PLXNB2: variants seen among roughly 807,000 people sequenced by gnomAD.
The protein encoded by PLXNB2 is plexin B2.
PLXNB2 carries 85 observed loss-of-function variants against 202.6 expected under a neutral mutation model. The ratio of observed to expected loss-of-function variants is 0.42; its 90% CI spans 0.35 to 0.50. The LOEUF is 0.50. PLXNB2 is among the 20% of genes least tolerant of loss of function. PLXNB2 has a pLI of 0.02. For synonymous variants in PLXNB2, 1,239 were observed against 1,137.6 expected (o/e 1.09, Z -1.79); for missense variants, 2,063 against 2,586.2 (o/e 0.80, Z 4.39).
rs777518692 is a variant in PLXNB2 at position 50,278,686 on chromosome 22, C to T, written c.4557G>A (p.Pro1519=). 1.2e-5 allele frequency: 20 copies of T among 1,610,990 alleles called. No homozygotes were observed. The highest frequency in any genetic ancestry group is 2.2e-5 in the South Asian group (2 of 90,788). ...RPDSVVLEWR[P]GSTAQILSDL... ...CCGACAGGATCTGCGCTGTGGAGCC[C>T]GGACGCCACTCTGTGGGAAGAGACA... The change falls in exon 29 of 37, where the codon CCG becomes CCA. Residue 1519 remains proline, a synonymous_variant. Transcript: ENST00000359337.
rs1192425761 is a variant in PLXNB2, at chr22:50,281,487, A to C, written c.3535T>G (p.Ser1179Ala). ...ACGCGGCCCAGCACCCACTCGCGAGAGCCGAACTTCACCTGTGTGGGGGGC... is the reference window on the plus strand; with the variant it reads ...ACGCGGCCCAGCACCCACTCGCGAGCGCCGAACTTCACCTGTGTGGGGGGC... ...NLPEFIVKFGSREWVLGRVEY... is the reference protein window; with the variant it reads ...NLPEFIVKFGAREWVLGRVEY... The change falls in exon 22 of 37, where the codon TCT becomes GCT. Residue 1179 changes from serine to alanine, a missense_variant. Coordinates refer to ENST00000359337, the MANE Select transcript of PLXNB2 (RefSeq NM_012401.4). 6 of 1,611,786 alleles carry C rather than the reference A, an allele frequency of 3.7e-6. No individual in the cohort carries two copies. Among genetic ancestry groups the C allele is most frequent in the South Asian group, 2.2e-5 (2 of 91,054 alleles).
In PLXNB2 at chr22:50,287,720, C is replaced by A; in HGVS notation, c.1555G>T (p.Val519Leu). The A allele has an allele frequency of 1.9e-6, 3 of 1,570,430 alleles. No individual in the cohort carries two copies. The highest frequency in any genetic ancestry group is 2.6e-6 in the Non-Finnish European group (3 of 1,163,198). ...TGTGGCTGGGCGCTGGTGACGGCCA[C>A]GCAGGACTTGCTTCGGCTCCACAGC... Reference protein sequence around the residue: ...HWLWSRSKSCVAVTSAQPQNM... With the variant: ...HWLWSRSKSCLAVTSAQPQNM... Residue 519 changes from valine (V) to leucine (L), a missense_variant, in exon 7 of 37, where the codon GTG (valine) becomes TTG (leucine). Around this residue, in one of 2 missense-constraint regions of PLXNB2, gnomAD observed 1,303 missense variants for 1,476.8 expected, o/e 0.88. Coordinates refer to ENST00000359337, the MANE Select transcript of PLXNB2 (RefSeq NM_012401.4).
chr22:50,287,688 C>A lies in PLXNB2; in HGVS notation c.1587G>T (p.Met529Ile), dbSNP rs758431542. The A allele has an allele frequency of 1.3e-6, 2 of 1,553,500 alleles. No individual in the cohort carries two copies. The highest frequency in any genetic ancestry group is 1.7e-6 in the Non-Finnish European group (2 of 1,153,682). The change falls in exon 7 of 37, where the codon ATG becomes ATT. Residue 529 changes from methionine to isoleucine, a missense_variant. Physicochemically the swap from Met to Ile is conservative, Grantham distance 10 (BLOSUM62 1). Transcript: ENST00000359337. ...VAVTSAQPQN[M>I]SRRAQGEVQL... ...GCACCTCCCCCTGGGCCCGCCGGCT[C>A]ATGTTCTGTGGCTGGGCGCTGGTGA...
At chr22:50,286,584 C>T (rs374128840) in intron 8 of PLXNB2, among the ~76,000 whole-genome samples, 1 of 152,366 alleles carries the variant, frequency 6.6e-6, no homozygotes, top group East Asian at 1.9e-4. Context: ...AGGTTGCTTT[C>T]ATACCCTCTG....
chr22:50,284,323 G>T lies in PLXNB2; in HGVS notation c.2182-110C>A, dbSNP rs2066258115. Reference sequence around the variant, plus strand: ...CCACCGGGTCCCTTCCCAGCCAAGGGCAGCAGGGGAGGCCTTCAGGTGTCG... The same window carrying T: ...CCACCGGGTCCCTTCCCAGCCAAGGTCAGCAGGGGAGGCCTTCAGGTGTCG... On this transcript the variant is annotated intron_variant, in intron 12 of 36. Transcript: ENST00000359337. This position sits in a 1 kb window ranked among gnomAD's most constrained non-coding sequence, Gnocchi z 8.0. The T allele has an allele frequency of 9.4e-7, 1 of 1,061,816 alleles. No individual in the cohort carries two copies. 65.8% of individuals were successfully genotyped at this position (1,061,816 alleles called of 1,614,324 possible).
Position 50,277,825 on chromosome 22 carries a change from G to A in PLXNB2, c.5048+28C>T, listed in dbSNP as rs1418401063. On this transcript the variant is annotated intron_variant, in intron 32 of 36. Transcript: ENST00000359337. ...CCAAGTGAGAGGCGGAGCCGGGGCTGGGCCGCGGGGTGGGTGTGGAGCCTC... is the reference window on the plus strand; with the variant it reads ...CCAAGTGAGAGGCGGAGCCGGGGCTAGGCCGCGGGGTGGGTGTGGAGCCTC... 3.2e-5 allele frequency: 52 copies of A among 1,607,754 alleles called. 2 individuals are homozygous for A. The highest frequency in any genetic ancestry group is 4.4e-5 in the Non-Finnish European group (52 of 1,175,690).
At chr22:50,293,476 C>A (rs1035177077) in intron 2 of PLXNB2, among the ~76,000 whole-genome samples, 3 of 152,202 alleles carry the variant, frequency 2.0e-5, no homozygotes, top group South Asian at 2.1e-4. Context: ...CTCGGCCCTG[C>A]GCCCAGGCCT....
rs141482940 is a variant in PLXNB2, at chr22:50,297,927, G to A, written c.-73-3149C>T. On this transcript the variant is annotated intron_variant, in intron 1 of 36. Coordinates refer to ENST00000359337, the MANE Select transcript of PLXNB2 (RefSeq NM_012401.4). This position sits in a 1 kb window ranked among gnomAD's most constrained non-coding sequence, Gnocchi z 5.3. ...GCCCACTCAGAGAACGCTGCCTCAC[G>A]ACATTCCCACGTCCATGTTCACTGT... 1.3e-5 allele frequency among the ~76,000 whole-genome samples: 2 copies of A among 152,252 alleles called. No homozygotes were observed. Among genetic ancestry groups the A allele is most frequent in the Admixed American group, 6.5e-5 (1 of 15,286 alleles).
At chr22:50,292,086 C>T (rs1377890408) in intron 2 of PLXNB2, among the ~76,000 whole-genome samples, 3 of 152,162 alleles carry the variant, frequency 2.0e-5, no homozygotes, top group Non-Finnish European at 4.4e-5. Flanking sequence ...GCCTGTAATC[C>T]CAGCACCTTG....
Position 50,284,532 on chromosome 22 carries a change from C to G in PLXNB2, c.2181+41G>C, listed in dbSNP as rs567323000. The G allele has an allele frequency of 5.6e-5, 84 of 1,495,606 alleles. No homozygotes were observed. Among genetic ancestry groups the G allele is most frequent in the Non-Finnish European group, 7.5e-5 (81 of 1,083,094 alleles). The allele number at this position is 1,495,606 out of a possible 1,614,324, so 92.6% of individuals were successfully genotyped here. A position where few individuals can be genotyped will look rare whatever the true frequency, so the allele number is the denominator to read the frequency against. ...GTGACCCCCCACCCCACCCGGGGCC[C>G]TGGGGTCCAGCAGCCGAGCCGGCCT... On this transcript the variant is annotated intron_variant, in intron 12 of 36. Transcript: ENST00000359337. This position sits in a 1 kb window ranked among gnomAD's most constrained non-coding sequence, Gnocchi z 8.0.
At chr22:50,280,714 G>GGGCGCCCC in intron 24 of PLXNB2, 30 bp downstream of exon 24, 4 of 1,528,900 alleles carry the variant, frequency 2.6e-6, no homozygotes, top group Non-Finnish European at 2.7e-6. Flanking sequence ...CCACCTGTGT[G>GGGCGCCCC]CCCTCCCGCC....
At position 50,277,541 on chromosome 22, in the gene PLXNB2, G is replaced by A. The variant is rs146745870; in HGVS notation, c.5196+50C>T. 7.9e-4 allele frequency: 1,188 copies of A among 1,500,304 alleles called. 5 individuals are homozygous for A. The African/African-American group carries it at 0.015, about 18-fold the overall frequency. 92.9% of individuals were successfully genotyped at this position (1,500,304 alleles called of 1,614,324 possible). On this transcript the variant is annotated intron_variant, in intron 33 of 36. Transcript: ENST00000359337. ...GGTCCCAACTCACAAGATGCCTCCTGGGGACAGACCCAGGCCTCCCTGCCC... is the reference window on the plus strand; with the variant it reads ...GGTCCCAACTCACAAGATGCCTCCTAGGGACAGACCCAGGCCTCCCTGCCC...
chr22:50,281,794 G>C, intron 20 of PLXNB2, 52 bp from the exon 21 acceptor site: 1 of 1,574,246 alleles, frequency 6.4e-7, no homozygotes, highest in Non-Finnish European at 8.6e-7. Flanking sequence ...GGGACAGGTG[G>C]ACCAGCTCTC....
chr22:50,281,388 C>T lies in PLXNB2; in HGVS notation c.3634G>A (p.Val1212Ile), dbSNP rs763081231. The change falls in exon 22 of 37, where the codon GTC (valine) becomes ATC (isoleucine). Residue 1212 changes from valine to isoleucine, a missense_variant. By Grantham distance (29) the Val-to-Ile change is conservative (BLOSUM62 3). Coordinates refer to ENST00000359337, the MANE Select transcript of PLXNB2 (RefSeq NM_012401.4). ...TAGCAGTAGACAGACACCGCGATGA[C>T]GACCACCATGGGCACGATGACCAGC... The part of the protein sequence containing the change: ...LPLVIVPMVV[V>I]IAVSVYCYWR... 8.7e-6 allele frequency: 14 copies of T among 1,612,168 alleles called. No homozygotes were observed. Among genetic ancestry groups the T allele is most frequent in the African/African-American group, 2.7e-5 (2 of 74,928 alleles).
rs1327908400 is a variant in PLXNB2 at position 50,290,441 on chromosome 22, C to G, written c.144G>C (p.Leu48=). The change falls in exon 3 of 37, where the codon CTG becomes CTC. Residue 48 remains leucine (L), a synonymous_variant. Coordinates refer to ENST00000359337, the MANE Select transcript of PLXNB2 (RefSeq NM_012401.4). ...AVDEASGVVY[L]GAVNALYQLD... ...GCTGGTAGAGGGCATTCACCGCCCC[C>G]AGGTACACCACGCCTGAGGCCTCAT... The G allele has an allele frequency of 6.2e-7, 1 of 1,612,960 alleles. No homozygotes were observed. The highest frequency in any genetic ancestry group is 1.1e-5 in the South Asian group (1 of 91,082).
rs574409728 is a variant in PLXNB2, at chr22:50,283,938, G to A, written c.2316C>T (p.Ala772=). ...FGRSDCSLCR[A]ANPDYRCAWC... is the part of the protein sequence containing the mutation. Reference sequence around the variant, plus strand: ...ACGCACACCTGTAGTCGGGGTTAGCGGCCCGGCACAGGCTGCAGTCGCTGC... The same window carrying A: ...ACGCACACCTGTAGTCGGGGTTAGCAGCCCGGCACAGGCTGCAGTCGCTGC... The change falls in exon 14 of 37, where the codon GCC becomes GCT. Residue 772 remains alanine, a synonymous_variant. Coordinates refer to ENST00000359337, the MANE Select transcript of PLXNB2 (RefSeq NM_012401.4). 141 of 1,562,940 alleles carry A rather than the reference G, an allele frequency of 9.0e-5. No individual in the cohort carries two copies. Among genetic ancestry groups the A allele is most frequent in the East Asian group, 1.4e-4 (6 of 42,184 alleles).
At chr22:50,287,536 C>T in intron 7 of PLXNB2, 131 bp downstream of exon 7, 1 of 1,022,804 alleles carries the variant, frequency 9.8e-7, no homozygotes, top group South Asian at 1.7e-5. Flanking sequence ...ATCCCTAAGG[C>T]TCGGTGCCCA....
chr22:50,294,096 G>A (rs900795022), intron 2 of PLXNB2, among the ~76,000 whole-genome samples: 3 of 152,260 alleles, frequency 2.0e-5, no homozygotes, highest in African/African-American at 2.4e-5. Context: ...CGCAGGAGGC[G>A]CCAGGCACAG....
chr22:50,298,169 C>T (rs1361309923), intron 1 of PLXNB2, among the ~76,000 whole-genome samples: 2 of 152,234 alleles, frequency 1.3e-5, no homozygotes, highest in South Asian at 2.1e-4. Context: ...CATGCAGGGG[C>T]GCGAGCCCAG....
Sources: allele counts gnomAD v4.1 joint callset (sites outside exome capture counted in the v4.1 genomes callset), GRCh38; gene constraint gnomAD v4.1.1; regional missense constraint gnomAD v4.1.1; non-coding constraint Gnocchi (gnomAD v3.1); transcripts MANE v1.5; gene names NCBI Gene and HGNC (gene_info 2026-07-23, HGNC 2026-07-21).